The following MED13 variants were observed in gnomAD, a reference collection of about 807,000 sequenced individuals.
The protein encoded by MED13 is mediator complex subunit 13.
A neutral mutation model predicts 225.2 loss-of-function variants in MED13; 23 were observed. The ratio of observed to expected loss-of-function variants is 0.10; its 90% CI spans 0.07 to 0.14. The LOEUF is 0.14. MED13 is among the 10% of genes least tolerant of loss of function. MED13 has a pLI of 1.00. For synonymous variants in MED13, 942 were observed against 889.2 expected (o/e 1.06, Z -1.06); for missense variants, 2,197 against 2,594.5 (o/e 0.85, Z 3.33).
intron 3 of MED13, among the ~76,000 whole-genome samples, chr17:62,043,156 C>CAAAAAAAAAAAAAA (rs764530614): frequency 9.5e-4 from 30 of 31,674 alleles, no homozygotes; most frequent in Non-Finnish European, 1.2e-3. Context: ...ACCCTGTCTC[C>CAAAAAAAAAAAAAA]AAAAAAAAAA....
Position 61,995,325 on chromosome 17 carries a change from C to T in MED13, c.2008G>A (p.Glu670Lys). The change falls in exon 10 of 30, where the codon GAA becomes AAA. Residue 670 changes from glutamate to lysine, a missense_variant. Coordinates refer to ENST00000397786, the MANE Select transcript of MED13 (RefSeq NM_005121.3). Reference sequence around the variant, plus strand: ...TTAATTTGATATTGCTGCACTAATTCATCAGAAACTTTTAAAGGTTTCTTA... The same window carrying T: ...TTAATTTGATATTGCTGCACTAATTTATCAGAAACTTTTAAAGGTTTCTTA... Reference protein sequence around the residue: ...QCKKPLKVSDELVQQYQIKNQ... With the variant: ...QCKKPLKVSDKLVQQYQIKNQ... 4 of 1,612,978 alleles carry T rather than the reference C, an allele frequency of 2.5e-6. No homozygotes were observed. Among genetic ancestry groups the T allele is most frequent in the Non-Finnish European group, 3.4e-6 (4 of 1,179,744 alleles).
intron 17 of MED13, among the ~76,000 whole-genome samples, chr17:61,972,419 AG>A (rs1192610920): frequency 6.6e-6 from 1 of 152,186 alleles, no homozygotes; most frequent in African/African-American, 2.4e-5. Context: ...AAATAACAAA[AG>A]TATTTTTTTT....
intron 23 of MED13, among the ~76,000 whole-genome samples, chr17:61,957,888 G>A (rs1378828991): frequency 3.9e-5 from 6 of 152,118 alleles, no homozygotes; most frequent in East Asian, 1.9e-4. Flanking sequence ...CTTTTGAGAC[G>A]GAGTCTCACT....
intron 16 of MED13, among the ~76,000 whole-genome samples, chr17:61,973,428 C>T (rs1159003100): frequency 6.6e-6 from 1 of 152,068 alleles, no homozygotes; most frequent in Non-Finnish European, 1.5e-5. Flanking sequence ...TAAGCTTATA[C>T]ATCTTAAATA....
intron 11 of MED13, among the ~76,000 whole-genome samples, chr17:61,988,530 A>G (rs1210994274): frequency 2.6e-5 from 4 of 152,192 alleles, no homozygotes; most frequent in Non-Finnish European, 5.9e-5. Context: ...TGAAATTTTA[A>G]AAGTAAAAAT....
chr17:62,009,506 C>T (rs1191978881), intron 9 of MED13, among the ~76,000 whole-genome samples: 1 of 152,184 alleles, frequency 6.6e-6, no homozygotes, highest in East Asian at 1.9e-4. Context: ...ATCTGGAAGA[C>T]ACATATTTAG....
Position 61,984,763 on chromosome 17 carries a change from ATAC to A in MED13, c.2576_2578del (p.Ser859del). The stretch of plus-strand genomic sequence containing the variant: ...AACAGTTCCTCCAGGTGTTGTATCC[ATAC>A]TACCATATTCTTTATTATTCATATT... On this transcript the variant is annotated inframe_deletion, in exon 14 of 30. Coordinates refer to ENST00000397786, the MANE Select transcript of MED13 (RefSeq NM_005121.3). 3 of 1,613,540 alleles carry A rather than the reference ATAC, an allele frequency of 1.9e-6. No individual in the cohort carries two copies. Among genetic ancestry groups the A allele is most frequent in the Non-Finnish European group, 1.7e-6 (2 of 1,179,462 alleles).
Position 61,972,875 on chromosome 17 carries a change from C to A in MED13, c.3819G>T (p.Gln1273His), listed in dbSNP as rs1367800317. 1.3e-6 allele frequency: 2 copies of A among 1,591,204 alleles called. No individual in the cohort carries two copies. The highest frequency in any genetic ancestry group is 1.7e-6 in the Non-Finnish European group (2 of 1,173,602). The change falls in exon 17 of 30, where the codon CAG becomes CAT. Residue 1273 changes from glutamine (Q) to histidine (H), a missense_variant. Around this residue, in one of 12 missense-constraint regions of MED13, gnomAD observed 203 missense variants for 209.7 expected, o/e 0.97. Transcript: ENST00000397786. ...PWSKRNDVSM[Q>H]CSQDILRMLL... ...GCATTCGAAGTATATCCTGTGAGCA[C>A]TGCATACTCACATCTACAAGCATTT...
intron 17 of MED13, among the ~76,000 whole-genome samples, chr17:61,969,550 G>GA (rs2080088966): frequency 1.3e-5 from 2 of 151,756 alleles, no homozygotes; most frequent in Non-Finnish European, 2.9e-5. Context: ...ATAGAAAAAA[G>GA]AAAAAACCTT....
At position 62,003,969 on chromosome 17, in the gene MED13, T is replaced by TAC. The variant is rs549293926; in HGVS notation, c.1967+6579_1967+6580dup. The TAC allele has an allele frequency of 2.0e-5, 3 of 152,346 alleles. No homozygotes were observed. In the East Asian group the frequency reaches 5.8e-4, roughly 29 times the overall value. The allele number at this position is 152,346 out of a possible 1,614,324, so 9.4% of individuals were successfully genotyped here. On this transcript the variant is annotated intron_variant, in intron 9 of 29. Coordinates refer to ENST00000397786, the MANE Select transcript of MED13 (RefSeq NM_005121.3). ...TTCATTTTACTTACAGATAGTCATG[T>TAC]ACACAAGCAACCAATACATTTATTT...
chr17:62,046,654 T>C (rs1162348784), intron 3 of MED13, among the ~76,000 whole-genome samples: 1 of 152,008 alleles, frequency 6.6e-6, no homozygotes, highest in Non-Finnish European at 1.5e-5. Flanking sequence ...CTAGGCAACA[T>C]GGTGATATCT....
chr17:62,001,028 C>G (rs1264508944), intron 9 of MED13, among the ~76,000 whole-genome samples: 1 of 152,188 alleles, frequency 6.6e-6, no homozygotes, highest in Non-Finnish European at 1.5e-5. Context: ...TCCCAAAGTG[C>G]TGGGATTACA....
At chr17:61,999,475 T>C (rs1032331230) in intron 9 of MED13, among the ~76,000 whole-genome samples, 2 of 152,198 alleles carry the variant, frequency 1.3e-5, no homozygotes, top group East Asian at 1.9e-4. Context: ...TATTCTGAAA[T>C]ACATGCTATC....
intron 8 of MED13, among the ~76,000 whole-genome samples, chr17:62,016,798 C>T (rs906250100): frequency 2.0e-5 from 3 of 152,136 alleles, no homozygotes; most frequent in Non-Finnish European, 2.9e-5. Context: ...CACCTGAGGT[C>T]GGGGGTTCTA....
intron 17 of MED13, among the ~76,000 whole-genome samples, chr17:61,969,841 A>T (rs570638000): frequency 6.6e-6 from 1 of 152,250 alleles, no homozygotes; most frequent in South Asian, 2.1e-4. Context: ...ACCTCAAGTG[A>T]TCTGCCCACC....
intron 16 of MED13, among the ~76,000 whole-genome samples, chr17:61,978,393 A>G (rs2080175132): frequency 6.6e-6 from 1 of 152,130 alleles, no homozygotes; most frequent in Non-Finnish European, 1.5e-5. Flanking sequence ...CTGGGATTAT[A>G]GGCATGCGCC....
intron 9 of MED13, among the ~76,000 whole-genome samples, chr17:61,999,391 A>G (rs780170490): frequency 5.3e-5 from 8 of 152,166 alleles, no homozygotes; most frequent in Non-Finnish European, 1.0e-4. Flanking sequence ...TAAGTGCTAA[A>G]CCCATGAAAA....
intron 3 of MED13, among the ~76,000 whole-genome samples, chr17:62,051,689 C>T (rs1385699827): frequency 1.3e-5 from 2 of 152,140 alleles, no homozygotes; most frequent in Non-Finnish European, 2.9e-5. Flanking sequence ...GCATATATGA[C>T]ATCAAAGACC....
intron 9 of MED13, among the ~76,000 whole-genome samples, chr17:62,007,837 G>A (rs989215239): frequency 4.6e-5 from 7 of 151,942 alleles, no homozygotes; most frequent in African/African-American, 7.3e-5. Context: ...GAGAGAACGA[G>A]ACTACGTCTC....
Sources: allele counts gnomAD v4.1 joint callset (sites outside exome capture counted in the v4.1 genomes callset), GRCh38; gene constraint gnomAD v4.1.1; regional missense constraint gnomAD v4.1.1; transcripts MANE v1.5; gene names NCBI Gene and HGNC (gene_info 2026-07-23, HGNC 2026-07-21).